The following NRXN3 variants were observed in gnomAD, a reference collection of about 807,000 sequenced individuals.
NRXN3 encodes the protein neurexin 3, also known as neurexin III.
Under a neutral mutation model 137.6 loss-of-function variants are expected in NRXN3, and 32 were observed. That is an observed-to-expected ratio of 0.23 (90% CI 0.18 to 0.31). NRXN3 has a LOEUF of 0.31. Ranked by LOEUF, NRXN3 falls within the 10% of genes least tolerant of loss-of-function variation. The probability of loss-of-function intolerance (pLI) is 1.00; values close to 1 mark genes in which losing one functional copy is unlikely to be tolerated. For missense variants in NRXN3, 1,574 were observed against 2,062.5 expected (o/e 0.76, Z 4.59); for synonymous variants, 798 against 784.5 (o/e 1.02, Z -0.29).
chr14:79,617,272 A>G (rs1196427645), intron 16 of NRXN3, among the ~76,000 whole-genome samples: 2 of 151,578 alleles, frequency 1.3e-5, no homozygotes, highest in African/African-American at 4.8e-5. Context: ...AGGTAGAATT[A>G]CTGTTTCAAT....
intron 4 of NRXN3, among the ~76,000 whole-genome samples, chr14:78,605,120 A>G (rs186366763): frequency 9.3e-4 from 141 of 152,178 alleles, no homozygotes; most frequent in African/African-American, 3.3e-3. Flanking sequence ...CTACTTCCTC[A>G]TCTCCACCCC....
intron 15 of NRXN3, among the ~76,000 whole-genome samples, chr14:79,032,984 T>G (rs568651545): frequency 6.6e-6 from 1 of 152,164 alleles, no homozygotes; most frequent in Non-Finnish European, 1.5e-5. Flanking sequence ...CTTCAATTAA[T>G]GTTAACTGTT....
chr14:79,806,021 T>G (rs1187889911), intron 20 of NRXN3, among the ~76,000 whole-genome samples: 2 of 152,174 alleles, frequency 1.3e-5, no homozygotes, highest in Non-Finnish European at 2.9e-5. Flanking sequence ...TTCCCAGTTG[T>G]CTGTTTTGAG....
intron 4 of NRXN3, among the ~76,000 whole-genome samples, chr14:78,598,836 A>C (rs2097179912): frequency 6.6e-6 from 1 of 152,138 alleles, no homozygotes; most frequent in Non-Finnish European, 1.5e-5. Flanking sequence ...ATTGTGGTGT[A>C]GTCTTTAAGT....
At chr14:79,695,427 C>T (rs1322742039) in intron 18 of NRXN3, among the ~76,000 whole-genome samples, 1 of 151,846 alleles carries the variant, frequency 6.6e-6, no homozygotes, top group Non-Finnish European at 1.5e-5. Context: ...TTATGATTCG[C>T]CAGCAGTTGT....
intron 4 of NRXN3, among the ~76,000 whole-genome samples, chr14:78,603,595 C>T (rs1042892409): frequency 2.0e-5 from 3 of 152,230 alleles, no homozygotes; most frequent in African/African-American, 2.4e-5. Flanking sequence ...TGAAAGACCT[C>T]TAAACAGTTA....
intron 5 of NRXN3, among the ~76,000 whole-genome samples, chr14:78,648,376 T>C (rs1359198848): frequency 6.6e-6 from 1 of 152,234 alleles, no homozygotes; most frequent in African/African-American, 2.4e-5. Context: ...TAATCATGTT[T>C]AACCTGCCAG....
chr14:79,391,115 G>C (rs549447736), intron 15 of NRXN3, among the ~76,000 whole-genome samples: 16 of 152,096 alleles, frequency 1.1e-4, no homozygotes, highest in African/African-American at 3.9e-4. Flanking sequence ...TGTTATAGCA[G>C]CACTAATGGA....
At chr14:78,855,435 G>C (rs1405973141) in intron 10 of NRXN3, among the ~76,000 whole-genome samples, 1 of 152,122 alleles carries the variant, frequency 6.6e-6, no homozygotes, top group Non-Finnish European at 1.5e-5. Flanking sequence ...ACACTTTACA[G>C]CTTTACATTT....
chr14:79,400,906 T>C (rs1008138900), intron 15 of NRXN3, among the ~76,000 whole-genome samples: 2 of 152,172 alleles, frequency 1.3e-5, no homozygotes, highest in Non-Finnish European at 2.9e-5. Context: ...TGTTCCTAAC[T>C]TATGAGCAGG....
At chr14:78,453,700 G>T (rs1212619118) in intron 4 of NRXN3, among the ~76,000 whole-genome samples, 1 of 152,104 alleles carries the variant, frequency 6.6e-6, no homozygotes, top group Non-Finnish European at 1.5e-5. Context: ...TTAACGTGAG[G>T]TCATTAGGGT....
chr14:78,941,295 T>C (rs1597663900), intron 10 of NRXN3, among the ~76,000 whole-genome samples: 2 of 152,122 alleles, frequency 1.3e-5, no homozygotes, highest in East Asian at 3.9e-4. Context: ...CTTATCCCAG[T>C]CAATATAAGC....
At chr14:78,575,492 A>G (rs577699089) in intron 4 of NRXN3, among the ~76,000 whole-genome samples, 9 of 152,294 alleles carry the variant, frequency 5.9e-5, no homozygotes, top group African/African-American at 2.2e-4. Context: ...AGAATGCTTG[A>G]TCTCTGGGGA....
intron 15 of NRXN3, among the ~76,000 whole-genome samples, chr14:79,020,680 C>G (rs1037696591): frequency 1.3e-5 from 2 of 151,890 alleles, no homozygotes; most frequent in Non-Finnish European, 2.9e-5. Flanking sequence ...AGAAAAGAAA[C>G]CCATCAAGGA....
chr14:78,530,720 C>T (rs1006490733), intron 4 of NRXN3, among the ~76,000 whole-genome samples: 6 of 152,248 alleles, frequency 3.9e-5, no homozygotes, highest in African/African-American at 1.4e-4. Context: ...TAAACTCTGC[C>T]AAGATTTTTC....
intron 6 of NRXN3, among the ~76,000 whole-genome samples, chr14:78,671,172 AGGTATAT>A (rs899375801): frequency 1.3e-5 from 2 of 152,194 alleles, no homozygotes; most frequent in African/African-American, 4.8e-5. Flanking sequence ...GGAAGTTTCC[AGGTATAT>A]GGCATAGTCA....
intron 15 of NRXN3, among the ~76,000 whole-genome samples, chr14:79,017,736 G>A (rs1356711338): frequency 1.3e-5 from 2 of 152,122 alleles, no homozygotes; most frequent in African/African-American, 2.4e-5. Flanking sequence ...GGGGATTGAT[G>A]TCTGCAGGGA....
intron 4 of NRXN3, among the ~76,000 whole-genome samples, chr14:78,600,419 T>G (rs1226680481): frequency 6.6e-6 from 1 of 152,238 alleles, no homozygotes; most frequent in Admixed American, 6.5e-5. Flanking sequence ...CCAGCTCCAT[T>G]TAATACCGTT....
In NRXN3 at chr14:78,948,586, A is replaced by T. The variant is rs73325339; in HGVS notation, c.2276-8656A>T. Among the ~76,000 whole-genome samples, 905 of 143,544 alleles carry T rather than the reference A, an allele frequency of 6.3e-3. 14 individuals carry two copies. Among genetic ancestry groups the T allele is most frequent in the African/African-American group, 0.022 (855 of 39,102 alleles). 94.2% of individuals were successfully genotyped at this position (143,544 alleles called of 152,430 possible). On this transcript the variant is annotated intron_variant, in intron 10 of 20. Coordinates refer to ENST00000335750, the MANE Select transcript of NRXN3 (RefSeq NM_001330195.2). ...TCTGCTGGAAGCGCATACAAATATG[A>T]TATTTTTCATACTCACTTTCATTTA... is the stretch of plus-strand genomic sequence containing the variant.
Sources: allele counts gnomAD v4.1 joint callset (sites outside exome capture counted in the v4.1 genomes callset), GRCh38; gene constraint gnomAD v4.1.1; transcripts MANE v1.5; gene names NCBI Gene and HGNC (gene_info 2026-07-23, HGNC 2026-07-21).